The following MAD1L1 variants were observed in gnomAD, a reference collection of about 807,000 sequenced individuals.
MAD1L1 encodes the protein mitotic spindle assembly checkpoint protein MAD1.
In MAD1L1, 95 loss-of-function variants were observed where a neutral mutation model predicts 96.9. That is an observed-to-expected ratio of 0.98 (90% CI 0.83 to 1.16). MAD1L1 has a LOEUF of 1.16. Ranked by LOEUF, MAD1L1 falls within the 50% of genes most tolerant of loss-of-function variation. The pLI is 0.00. For missense variants in MAD1L1, 1,007 were observed against 954.4 expected, an observed-to-expected ratio of 1.06 and a Z score of -0.73; for synonymous variants, 473 against 396.6, an observed-to-expected ratio of 1.19 and a Z score of -2.29.
chr7:2,112,986 G>A (rs911621712), intron 11 of MAD1L1, among the ~76,000 whole-genome samples: 2 of 152,210 alleles, frequency 1.3e-5, no homozygotes, highest in Non-Finnish European at 2.9e-5. Flanking sequence ...AGAGCACTGG[G>A]TCACGGCCGT....
chr7:2,095,200 G>A (rs1483045991), intron 11 of MAD1L1, among the ~76,000 whole-genome samples: 1 of 151,882 alleles, frequency 6.6e-6, no homozygotes, highest in Non-Finnish European at 1.5e-5. Context: ...CCGCCACCAC[G>A]CCTGGCTACA....
intron 11 of MAD1L1, among the ~76,000 whole-genome samples, chr7:2,075,557 T>A (rs1227030333): frequency 6.6e-6 from 1 of 152,050 alleles, no homozygotes; most frequent in Non-Finnish European, 1.5e-5. Context: ...AGAATGAAGT[T>A]CTTAGTTCCT....
At chr7:2,198,532 G>T (rs1353800555) in intron 10 of MAD1L1, among the ~76,000 whole-genome samples, 2 of 152,252 alleles carry the variant, frequency 1.3e-5, no homozygotes, top group African/African-American at 4.8e-5. Flanking sequence ...GCCCGTGATG[G>T]CCGTCCACCC....
intron 11 of MAD1L1, among the ~76,000 whole-genome samples, chr7:2,078,842 C>A (rs896466614): frequency 5.3e-5 from 8 of 152,222 alleles, no homozygotes; most frequent in Admixed American, 1.3e-4. Context: ...CGGCCCCAGT[C>A]CCCACATCCC....
chr7:1,894,849 G>A (rs1786769124), intron 18 of MAD1L1, among the ~76,000 whole-genome samples: 1 of 152,042 alleles, frequency 6.6e-6, no homozygotes, highest in Non-Finnish European at 1.5e-5. Context: ...GGGGAAAGAG[G>A]CTGTGAAAAG....
intron 12 of MAD1L1, among the ~76,000 whole-genome samples, chr7:2,046,125 T>C (rs1376646376): frequency 6.6e-6 from 1 of 152,120 alleles, no homozygotes; most frequent in Admixed American, 6.5e-5. Context: ...CTGCAATCAG[T>C]GCCTCTCCTG....
At chr7:1,838,013 C>T (rs999568338) in intron 18 of MAD1L1, among the ~76,000 whole-genome samples, 1 of 152,258 alleles carries the variant, frequency 6.6e-6, no homozygotes, top group Non-Finnish European at 1.5e-5. Flanking sequence ...GACAAAACTG[C>T]TCCCTCTTGG....
chr7:1,999,079 G>A (rs548275237), intron 14 of MAD1L1, among the ~76,000 whole-genome samples: 14 of 151,788 alleles, frequency 9.2e-5, no homozygotes, highest in African/African-American at 3.4e-4. Flanking sequence ...CCCGCTCACT[G>A]AAGCAGGAGC....
intron 17 of MAD1L1, among the ~76,000 whole-genome samples, chr7:1,898,731 C>T (rs1787053895): frequency 6.6e-6 from 1 of 152,216 alleles, no homozygotes; most frequent in South Asian, 2.1e-4. Flanking sequence ...AGCACAGTCA[C>T]TGCCAGGAAG....
chr7:2,116,421 A>G (rs1335498792), intron 11 of MAD1L1, among the ~76,000 whole-genome samples: 1 of 152,184 alleles, frequency 6.6e-6, no homozygotes. Context: ...AAGAGACAAG[A>G]GCCTTGCCAG....
intron 11 of MAD1L1, chr7:2,079,921 C>T (rs545147611): frequency 2.4e-5 from 9 of 371,712 alleles, no homozygotes; most frequent in South Asian, 8.3e-5. Flanking sequence ...GAAGATAATC[C>T]GGTGCCTGGA....
chr7:1,897,087 A>G (rs1381478484), intron 18 of MAD1L1, among the ~76,000 whole-genome samples: 2 of 151,496 alleles, frequency 1.3e-5, no homozygotes, highest in Non-Finnish European at 2.9e-5. Context: ...ACGCAGAGCA[A>G]GCCCGGCACG....
chr7:2,150,363 G>A (rs940766335), intron 10 of MAD1L1, among the ~76,000 whole-genome samples: 3 of 152,136 alleles, frequency 2.0e-5, no homozygotes, highest in African/African-American at 4.8e-5. Flanking sequence ...CGCGCACGCT[G>A]CAAACCTCAC....
chr7:2,069,669 T>C (rs1785035313), intron 11 of MAD1L1, among the ~76,000 whole-genome samples: 1 of 152,168 alleles, frequency 6.6e-6, no homozygotes, highest in Non-Finnish European at 1.5e-5. Flanking sequence ...GCGCTTCCCC[T>C]CTGAATCACC....
chr7:2,028,207 C>T (rs541088526), intron 12 of MAD1L1, among the ~76,000 whole-genome samples: 22 of 152,114 alleles, frequency 1.4e-4, no homozygotes, highest in South Asian at 8.3e-4. Context: ...AGGCGGATTA[C>T]GAGGTCAGGA....
chr7:1,871,316 C>A lies in MAD1L1; in HGVS notation c.1998+26884G>T, dbSNP rs1276816316. Among the ~76,000 whole-genome samples the A allele has an allele frequency of 3.3e-3, 476 of 145,122 alleles. 7 individuals are homozygous for A. The highest frequency in any genetic ancestry group is 0.012 in the African/African-American group (456 of 38,452). On this transcript the variant is annotated intron_variant, in intron 18 of 18. Transcript: ENST00000265854. ...CCTGCCACACTGAACCCAACATACG[C>A]CTGCCACGCTGAACCCACCGTAACA... is the stretch of plus-strand genomic sequence containing the variant.
intron 3 of MAD1L1, among the ~76,000 whole-genome samples, chr7:2,229,677 G>T (rs1244895128): frequency 6.6e-6 from 1 of 152,246 alleles, no homozygotes; most frequent in South Asian, 2.1e-4. Flanking sequence ...TCAATTAGAT[G>T]AATGAACTGG....
chr7:2,155,920 GT>G (rs1232513061), intron 10 of MAD1L1, among the ~76,000 whole-genome samples: 1 of 152,070 alleles, frequency 6.6e-6, no homozygotes, highest in African/African-American at 2.4e-5. Context: ...CCATCTCATA[GT>G]TTTTAATTTA....
Position 1,898,190 on chromosome 7 carries a change from C to T in MAD1L1, c.1998+10G>A, listed in dbSNP as rs1396503106. The T allele has an allele frequency of 3.1e-6, 5 of 1,598,932 alleles. No individual in the cohort carries two copies. Among genetic ancestry groups the T allele is most frequent in the Admixed American group, 1.7e-5 (1 of 57,428 alleles). On this transcript the variant is annotated intron_variant, in intron 18 of 18. Coordinates refer to ENST00000265854, the MANE Select transcript of MAD1L1 (RefSeq NM_001013836.2). ...GAGACAGCCGGAGAGCCGTCACACG[C>T]AGGACCCACCTTGAAGATGAGGCAG...
Sources: gnomAD v4.1 joint callset for allele counts (sites outside exome capture counted in the v4.1 genomes callset) on GRCh38, gnomAD v4.1.1 for gene constraint, MANE v1.5 for transcripts, NCBI Gene and HGNC (gene_info 2026-07-23, HGNC 2026-07-21) for gene names.